The following ECM1 variants were observed in gnomAD, a reference collection of about 807,000 sequenced individuals.
The protein encoded by ECM1 is secretory component p85.
ECM1 carries 54 observed loss-of-function variants against 57.9 expected under a neutral mutation model. The observed-to-expected ratio is 0.93, with a 90% CI of 0.75 to 1.17. ECM1 has a LOEUF of 1.17. Among genes scored for constraint, ECM1 ranks in the 50% most tolerant of loss-of-function variants. The probability of loss-of-function intolerance (pLI) is 0.00; values close to 1 mark genes in which losing one functional copy is unlikely to be tolerated. For synonymous variants in ECM1, 237 were observed against 259.1 expected (o/e 0.91, Z 0.82); for missense variants, 649 against 688.1 (o/e 0.94, Z 0.64).
In ECM1 at chr1:150,513,234, C is replaced by A; in HGVS notation, c.1393-3C>A. On this transcript the variant is annotated splice_polypyrimidine_tract_variant and splice_region_variant and intron_variant, in intron 9 of 9. Coordinates refer to ENST00000369047, the MANE Select transcript of ECM1 (RefSeq NM_004425.4). ...CATCTGTTTTACTTTTCTCATTCATCAGAAATTAACCTTCATCAATGATCT... is the reference window on the plus strand; with the variant it reads ...CATCTGTTTTACTTTTCTCATTCATAAGAAATTAACCTTCATCAATGATCT... 6.2e-7 allele frequency: 1 copy of A among 1,614,074 alleles called. No homozygotes were observed. The highest frequency in any genetic ancestry group is 8.5e-7 in the Non-Finnish European group (1 of 1,179,928).
intron 5 of ECM1, 124 bp from the exon 6 acceptor site, chr1:150,510,752 T>G (rs1427658820): frequency 3.5e-5 from 35 of 994,848 alleles, no homozygotes; most frequent in Non-Finnish European, 5.4e-5. Flanking sequence ...TTGTTCTTTC[T>G]CATTTCCACT....
chr1:150,511,442 C>G lies in ECM1; in HGVS notation c.709-15C>G, dbSNP rs939250257. On this transcript the variant is annotated splice_polypyrimidine_tract_variant and intron_variant, in intron 6 of 9. Coordinates refer to ENST00000369047, the MANE Select transcript of ECM1 (RefSeq NM_004425.4). Reference sequence around the variant, plus strand: ...GGAATGTGGAAAGTGGGCTGATCCTCCCCTCTTGCTCTAGTGGGAGGAAGC... The same window carrying G: ...GGAATGTGGAAAGTGGGCTGATCCTGCCCTCTTGCTCTAGTGGGAGGAAGC... The G allele has an allele frequency of 1.9e-6, 3 of 1,613,948 alleles. No homozygotes were observed. The African/African-American group carries it at 4.0e-5, about 22-fold the overall frequency.
At chr1:150,508,354 G>C (rs150781054) in intron 1 of ECM1, 75 bp downstream of exon 1, 1 of 1,359,938 alleles carries the variant, frequency 7.4e-7, no homozygotes, top group Non-Finnish European at 1.0e-6. Flanking sequence ...CATCCCAGAC[G>C]GCTCATCACT....
rs1670481055 is a variant in ECM1, at chr1:150,512,826, G to T, written c.1392+14G>T. ...GCAGAGGAGGAGGTGAGTGTGTGGA[G>T]TCTAGTCTCCAGAGGAATGCAGGGG... is the stretch of plus-strand genomic sequence containing the variant. On this transcript the variant is annotated intron_variant, in intron 9 of 9. Transcript: ENST00000369047. 9 of 1,613,688 alleles carry T rather than the reference G, an allele frequency of 5.6e-6. No individual in the cohort carries two copies. The highest frequency in any genetic ancestry group is 1.7e-5 in the Admixed American group (1 of 60,002).
At position 150,513,392 on chromosome 1, in the gene ECM1, C is replaced by T. The variant is rs371056179; in HGVS notation, c.1548C>T (p.Asn516=). The change falls in exon 10 of 10, where the codon AAC becomes AAT. Residue 516 remains asparagine (N), a synonymous_variant. Transcript: ENST00000369047. ...NVALVSGDTE[N]AKGQGEQGST... is the part of the protein sequence containing the mutation. ...CTCTAGTGTCTGGAGACACTGAGAACGCCAAGGGCCAGGGGGAGCAGGGCT... is the reference window on the plus strand; with the variant it reads ...CTCTAGTGTCTGGAGACACTGAGAATGCCAAGGGCCAGGGGGAGCAGGGCT... 1.4e-4 allele frequency: 224 copies of T among 1,614,064 alleles called. 1 individual carries two copies. Among genetic ancestry groups the T allele is most frequent in the South Asian group, 7.0e-4 (64 of 91,082 alleles).
rs1186234555 is a variant in ECM1, at chr1:150,513,544, A to G, written c.*77A>G. ...CCCATCTGAACACTCATTACACTAA[A>G]CACCTCTTGGATTTGGTGTCCTCAT... is the stretch of plus-strand genomic sequence containing the variant. On this transcript the variant is annotated 3_prime_UTR_variant, in exon 10 of 10. Coordinates refer to ENST00000369047, the MANE Select transcript of ECM1 (RefSeq NM_004425.4). 4 of 1,323,388 alleles carry G rather than the reference A, an allele frequency of 3.0e-6. No homozygotes were observed. The African/African-American group carries it at 4.4e-5, about 14-fold the overall frequency. The allele number at this position is 1,323,388 out of a possible 1,614,324, so 82.0% of individuals were successfully genotyped here.
In ECM1 at chr1:150,510,656, A is replaced by G. The variant is rs1670411421; in HGVS notation, c.386-220A>G. ...GGAAGCCCGAGCCTTGAGAAGCAGG[A>G]GGAGGTGGGGGCAGGCTGTGAGCTG... On this transcript the variant is annotated intron_variant, in intron 5 of 9. Transcript: ENST00000369047. The G allele has an allele frequency of 8.0e-6, 5 of 625,026 alleles. No homozygotes were observed. The Admixed American group carries it at 1.0e-4, about 13-fold the overall frequency. 38.7% of individuals were successfully genotyped at this position (625,026 alleles called of 1,614,324 possible). A position where few individuals can be genotyped will look rare whatever the true frequency, so the allele number is the denominator to read the frequency against.
In ECM1 at chr1:150,513,402, CA is replaced by C. The variant is rs1670497309; in HGVS notation, c.1559del (p.Gln520ArgfsTer47). 5.6e-6 allele frequency: 9 copies of C among 1,614,162 alleles called. 1 individual carries two copies. The highest frequency in any genetic ancestry group is 3.3e-5 in the South Asian group (3 of 91,076). On this transcript the variant is annotated frameshift_variant, in exon 10 of 10. Transcript: ENST00000369047. LOFTEE classifies it high-confidence loss of function. ...TGGAGACACTGAGAACGCCAAGGGC[CA>C]GGGGGAGCAGGGCTCAACTGGAGGA... is the stretch of plus-strand genomic sequence containing the variant. ...VSGDTENAKGQGEQGSTGGTN... is the reference protein window; with the variant it reads ...VSGDTENAKGXGEQGSTGGTN...
rs149815479 is a variant in ECM1 at position 150,511,919 on chromosome 1, A to AC, written c.1083+95dup. Reference sequence around the variant, plus strand: ...ATCCTGCCAGTCCATCCATCCATGTACCCCCCCTGCTGTGAGTGCGTCCAC... The same window carrying AC: ...ATCCTGCCAGTCCATCCATCCATGTACCCCCCCCTGCTGTGAGTGCGTCCAC... On this transcript the variant is annotated intron_variant, in intron 7 of 9. Coordinates refer to ENST00000369047, the MANE Select transcript of ECM1 (RefSeq NM_004425.4). The AC allele has an allele frequency of 2.0e-5, 30 of 1,476,112 alleles. No homozygotes were observed. In the East Asian group the frequency reaches 2.1e-4, roughly 10 times the overall value. 91.4% of individuals were successfully genotyped at this position (1,476,112 alleles called of 1,614,324 possible).
Position 150,511,008 on chromosome 1 carries a change from C to T in ECM1, c.518C>T (p.Ser173Phe). 1 of 1,614,212 alleles carries T rather than the reference C, an allele frequency of 6.2e-7. No individual in the cohort carries two copies. Among genetic ancestry groups the T allele is most frequent in the Non-Finnish European group, 8.5e-7 (1 of 1,180,028 alleles). ...RLDGFPPGRP[S>F]PDNLNQICLP... The stretch of plus-strand genomic sequence containing the variant: ...GATGGCTTCCCCCCTGGGCGGCCTT[C>T]TCCAGACAATCTGAACCAAATCTGC... Residue 173 changes from serine to phenylalanine, a missense_variant, in exon 6 of 10, where the codon TCT (serine) becomes TTT (phenylalanine). By Grantham distance (155) the Ser-to-Phe change is radical (BLOSUM62 -2). Coordinates refer to ENST00000369047, the MANE Select transcript of ECM1 (RefSeq NM_004425.4).
Position 150,511,573 on chromosome 1 carries a change from C to T in ECM1, c.825C>T (p.Pro275=). 6.2e-7 allele frequency: 1 copy of T among 1,614,162 alleles called. No homozygotes were observed. Residue 275 remains proline (P), a synonymous_variant, in exon 7 of 10, where the codon CCC becomes CCT. Transcript: ENST00000369047. The part of the protein sequence containing the change: ...ARFSCFQEEA[P]QPHYQLRACP... ...TCTCCTGCTTCCAGGAGGAAGCTCC[C>T]CAGCCACACTACCAGCTCCGGGCCT...
In ECM1 at chr1:150,512,529, C is replaced by T; in HGVS notation, c.1261C>T (p.Leu421Phe). Residue 421 changes from leucine to phenylalanine, a missense_variant, in exon 8 of 10, where the codon CTC becomes TTC. By Grantham distance (22) the Leu-to-Phe change is conservative. Coordinates refer to ENST00000369047, the MANE Select transcript of ECM1 (RefSeq NM_004425.4). The stretch of plus-strand genomic sequence containing the variant: ...TGACATCGGTCGAGTCACCCCCAAC[C>T]TCATGGGCCACCTCTGTGGAAACCA... ...TIDIGRVTPN[L>F]MGHLCGNQRV... 6.2e-7 allele frequency: 1 copy of T among 1,613,968 alleles called. No individual in the cohort carries two copies. Among genetic ancestry groups the T allele is most frequent in the South Asian group, 1.1e-5 (1 of 91,078 alleles).
chr1:150,510,896 G>A lies in ECM1; in HGVS notation c.406G>A (p.Asp136Asn). Residue 136 changes from aspartate to asparagine, a missense_variant, in exon 6 of 10, where the codon GAC becomes AAC. Physicochemically the swap from Asp to Asn is conservative, Grantham distance 23. Transcript: ENST00000369047. ...QKEGTPAPFG[D>N]QSHPEPESWN... ...TCCAGGAACGCCAGCTCCATTTGGG[G>A]ACCAGAGCCATCCAGAACCTGAGTC... 2 of 1,614,030 alleles carry A rather than the reference G, an allele frequency of 1.2e-6. No individual in the cohort carries two copies. Among genetic ancestry groups the A allele is most frequent in the Non-Finnish European group, 1.7e-6 (2 of 1,180,032 alleles).
In ECM1 at chr1:150,513,255, G is replaced by T; in HGVS notation, c.1411G>T (p.Asp471Tyr). Residue 471 changes from aspartate (D) to tyrosine (Y), a missense_variant, in exon 10 of 10, where the codon GAT (aspartate) becomes TAT (tyrosine). Coordinates refer to ENST00000369047, the MANE Select transcript of ECM1 (RefSeq NM_004425.4). ...AEEEKLTFIN[D>Y]LCGPRRNIWR... ...TCATCAGAAATTAACCTTCATCAATGATCTGTGTGGTCCCCGACGTAACAT... is the reference window on the plus strand; with the variant it reads ...TCATCAGAAATTAACCTTCATCAATTATCTGTGTGGTCCCCGACGTAACAT... 1.9e-6 allele frequency: 3 copies of T among 1,614,188 alleles called. No individual in the cohort carries two copies. Among genetic ancestry groups the T allele is most frequent in the East Asian group, 4.5e-5 (2 of 44,890 alleles).
chr1:150,513,587 A>C lies in ECM1; in HGVS notation c.*120A>C. The C allele has an allele frequency of 1.5e-5, 15 of 1,003,282 alleles. No individual in the cohort carries two copies. The highest frequency in any genetic ancestry group is 2.0e-5 in the Non-Finnish European group (14 of 687,520). The allele number at this position is 1,003,282 out of a possible 1,614,324, so 62.1% of individuals were successfully genotyped here. On this transcript the variant is annotated 3_prime_UTR_variant, in exon 10 of 10. Coordinates refer to ENST00000369047, the MANE Select transcript of ECM1 (RefSeq NM_004425.4). ...GTCCTCATTGTCTATCTAATGTCTC[A>C]CCCGCAGTGTTTTAAGTGGATCTTG...
At position 150,510,124 on chromosome 1, in the gene ECM1, A is replaced by C; in HGVS notation, c.327A>C (p.Glu109Asp). Residue 109 changes from glutamate to aspartate, a missense_variant, in exon 5 of 10, where the codon GAA (glutamate) becomes GAC (aspartate). Glu to Asp is a conservative substitution (Grantham distance 45). Coordinates refer to ENST00000369047, the MANE Select transcript of ECM1 (RefSeq NM_004425.4). ...CAGTGGGTCCCCCTCTCCCTCAGGA[A>C]GCTGTCCCCCTCCAAAAAGAGCTGC... ...EKEVGPPLPQ[E>D]AVPLQKELPS... The C allele has an allele frequency of 6.2e-7, 1 of 1,614,066 alleles. No individual in the cohort carries two copies. The highest frequency in any genetic ancestry group is 8.5e-7 in the Non-Finnish European group (1 of 1,179,988).
Position 150,511,047 on chromosome 1 carries a change from A to G in ECM1, c.557A>G (p.Gln186Arg). Residue 186 changes from glutamine to arginine, a missense_variant, in exon 6 of 10, where the codon CAG becomes CGG. Gln to Arg is a conservative substitution (Grantham distance 43). Coordinates refer to ENST00000369047, the MANE Select transcript of ECM1 (RefSeq NM_004425.4). ...AACCAAATCTGCCTTCCTAACCGTC[A>G]GCATGTGGTATATGGTCCCTGGAAC... ...NLNQICLPNR[Q>R]HVVYGPWNLP... 6.2e-7 allele frequency: 1 copy of G among 1,614,174 alleles called. No individual in the cohort carries two copies. Among genetic ancestry groups the G allele is most frequent in the Non-Finnish European group, 8.5e-7 (1 of 1,180,016 alleles).
rs375957458 is a variant in ECM1 at position 150,512,422 on chromosome 1, G to A, written c.1154G>A (p.Arg385His). Residue 385 changes from arginine (R) to histidine (H), a missense_variant, in exon 8 of 10, where the codon CGC becomes CAC. Arg to His is a conservative substitution (Grantham distance 29). Transcript: ENST00000369047. ...AVKTHHHLCC[R>H]HPPSPTRDEC... ...AAGACCCACCACCACTTGTGTTGCC[G>A]CCACCCTCCCAGCCCTACTCGGGAT... 3,645 of 1,613,326 alleles carry A rather than the reference G, an allele frequency of 2.3e-3. 112 individuals are homozygous for A. In the South Asian group the frequency reaches 0.038, roughly 17 times the overall value.
Position 150,508,260 on chromosome 1 carries a change from T to C in ECM1, c.51T>C (p.Ala17=), listed in dbSNP as rs1200803697. ...AALVLTYLAV[A]SAASEGGFTA... is the part of the protein sequence containing the mutation. ...TGGTCTTGACCTATTTGGCTGTTGC[T>C]TCTGCTGCCTCTGAGGGAGGTGAGT... The change falls in exon 1 of 10, where the codon GCT becomes GCC. Residue 17 remains alanine (A), a synonymous_variant. Transcript: ENST00000369047. 11 of 1,614,078 alleles carry C rather than the reference T, an allele frequency of 6.8e-6. No homozygotes were observed. Among genetic ancestry groups the C allele is most frequent in the Non-Finnish European group, 9.3e-6 (11 of 1,180,030 alleles).
Sources: allele counts gnomAD v4.1 joint callset, GRCh38; gene constraint gnomAD v4.1.1; transcripts MANE v1.5; gene names NCBI Gene and HGNC (gene_info 2026-07-23, HGNC 2026-07-21).